The following SGCZ variants were observed in gnomAD, a reference collection of about 807,000 sequenced individuals.
SGCZ encodes the protein zeta-sarcoglycan.
Under a neutral mutation model 41.3 loss-of-function variants are expected in SGCZ, and 40 were observed. The observed-to-expected ratio is 0.97, with a 90% CI of 0.75 to 1.26. The LOEUF (loss-of-function observed/expected upper bound fraction) is 1.26, where lower values mean the gene tolerates loss of function less well. Among genes scored for constraint, SGCZ ranks in the 50% most tolerant of loss-of-function variants. The pLI is 0.00. For synonymous variants in SGCZ, 206 were observed against 137.5 expected (o/e 1.50, Z -3.49); for missense variants, 552 against 369.8 (o/e 1.49, Z -4.04).
At chr8:14,405,390 T>C (rs991656413) in intron 2 of SGCZ, among the ~76,000 whole-genome samples, 3 of 152,220 alleles carry the variant, frequency 2.0e-5, no homozygotes, top group African/African-American at 7.2e-5. Flanking sequence ...AGATTTAAAC[T>C]AAAATGCACT....
chr8:14,398,654 A>G (rs1294752333), intron 2 of SGCZ, among the ~76,000 whole-genome samples: 2 of 152,144 alleles, frequency 1.3e-5, no homozygotes, highest in African/African-American at 4.8e-5. Context: ...AAACTGAGGA[A>G]TCAGAAAAGG....
intron 4 of SGCZ, among the ~76,000 whole-genome samples, chr8:14,233,860 G>A (rs941999691): frequency 6.6e-6 from 1 of 151,716 alleles, no homozygotes; most frequent in Admixed American, 6.6e-5. Context: ...TCTGAGACTC[G>A]TTTAAGAAAG....
chr8:14,113,383 C>T (rs1474281567), intron 5 of SGCZ, among the ~76,000 whole-genome samples: 1 of 152,042 alleles, frequency 6.6e-6, no homozygotes, highest in Admixed American at 6.6e-5. Flanking sequence ...TCTATTCTTA[C>T]ATTTTATATT....
At chr8:15,143,051 G>A (rs1028543491) in intron 1 of SGCZ, among the ~76,000 whole-genome samples, 2 of 152,156 alleles carry the variant, frequency 1.3e-5, no homozygotes, top group African/African-American at 4.8e-5. Flanking sequence ...TCCTTTCCAA[G>A]GTACATTTGC....
intron 1 of SGCZ, among the ~76,000 whole-genome samples, chr8:14,685,274 G>C (rs1409991327): frequency 6.6e-6 from 1 of 151,894 alleles, no homozygotes; most frequent in Non-Finnish European, 1.5e-5. Context: ...ATTATTATGT[G>C]GTATTTTGGG....
chr8:14,133,090 G>A (rs1349534990), intron 5 of SGCZ, among the ~76,000 whole-genome samples: 1 of 152,110 alleles, frequency 6.6e-6, no homozygotes, highest in Non-Finnish European at 1.5e-5. Context: ...CTGTATTGGG[G>A]CACTCTTTCA....
chr8:15,132,136 CTA>C (rs1807929688), intron 1 of SGCZ, among the ~76,000 whole-genome samples: 1 of 152,112 alleles, frequency 6.6e-6, no homozygotes, highest in Non-Finnish European at 1.5e-5. Context: ...CATTGTCTTG[CTA>C]TTATTTTTTT....
intron 1 of SGCZ, among the ~76,000 whole-genome samples, chr8:15,018,403 G>A (rs1466962737): frequency 6.6e-6 from 1 of 152,204 alleles, no homozygotes; most frequent in African/African-American, 2.4e-5. Flanking sequence ...CAGTATTACA[G>A]TGAAATATGT....
At chr8:15,227,556 CT>C (rs2117199260) in intron 1 of SGCZ, among the ~76,000 whole-genome samples, 1 of 152,226 alleles carries the variant, frequency 6.6e-6, no homozygotes, top group South Asian at 2.1e-4. Flanking sequence ...AATGTTTATT[CT>C]GTTTATTTTT....
At chr8:14,677,080 A>G (rs1453397629) in intron 1 of SGCZ, among the ~76,000 whole-genome samples, 1 of 151,832 alleles carries the variant, frequency 6.6e-6, no homozygotes, top group Non-Finnish European at 1.5e-5. Context: ...GAACTGACCA[A>G]AAAAAAACCT....
intron 1 of SGCZ, among the ~76,000 whole-genome samples, chr8:14,838,853 T>C (rs1563305958): frequency 6.6e-6 from 1 of 152,118 alleles, no homozygotes; most frequent in African/African-American, 2.4e-5. Context: ...GCCAGAGCAT[T>C]ACATCAATTA....
At chr8:14,175,221 G>T (rs62492281) in intron 4 of SGCZ, among the ~76,000 whole-genome samples, 5,307 of 152,104 alleles carry the variant, frequency 0.035, 141 homozygotes, top group East Asian at 0.082. Flanking sequence ...AATGGCCAAA[G>T]ATATTTACAG....
At chr8:14,702,858 TAGATAGATAGATAGATAGATAGATAAAA>T (rs1563213124) in intron 1 of SGCZ, among the ~76,000 whole-genome samples, 2 of 147,204 alleles carry the variant, frequency 1.4e-5, no homozygotes, top group African/African-American at 5.2e-5. Flanking sequence ...GATAGATAGA[TAGATAGATAGATAGATAGATAGATAAAA>T]AGATAGATAG....
At chr8:15,050,011 C>T (rs894348929) in intron 1 of SGCZ, among the ~76,000 whole-genome samples, 6 of 152,090 alleles carry the variant, frequency 3.9e-5, no homozygotes, top group African/African-American at 1.4e-4. Context: ...TCTTTATTAG[C>T]AATGTGAGAA....
intron 4 of SGCZ, among the ~76,000 whole-genome samples, chr8:14,233,622 T>C (rs1806652087): frequency 6.7e-6 from 1 of 148,374 alleles, no homozygotes. Context: ...TCTATATATA[T>C]CTTTCCTGAG....
At chr8:14,621,399 C>G (rs938347712) in intron 1 of SGCZ, among the ~76,000 whole-genome samples, 3 of 151,344 alleles carry the variant, frequency 2.0e-5, no homozygotes, top group Non-Finnish European at 2.9e-5. Flanking sequence ...AACAAACCTG[C>G]ACGTTGTGCA....
At chr8:14,697,415 T>C (rs539196251) in intron 1 of SGCZ, among the ~76,000 whole-genome samples, 7 of 152,090 alleles carry the variant, frequency 4.6e-5, no homozygotes, top group Non-Finnish European at 8.8e-5. Flanking sequence ...ATACATCTAA[T>C]ATACTGCTTA....
chr8:14,372,601 G>C (rs992082342), intron 2 of SGCZ, among the ~76,000 whole-genome samples: 1 of 152,154 alleles, frequency 6.6e-6, no homozygotes, highest in African/African-American at 2.4e-5. Flanking sequence ...AAGCAGATTT[G>C]TAGGAGCAGC....
At chr8:14,742,599 T>G (rs1239198297) in intron 1 of SGCZ, among the ~76,000 whole-genome samples, 1 of 152,198 alleles carries the variant, frequency 6.6e-6, no homozygotes, top group South Asian at 2.1e-4. Context: ...TTAATAAAAT[T>G]GTACCTATTG....
Sources: allele counts gnomAD v4.1 joint callset (sites outside exome capture counted in the v4.1 genomes callset), GRCh38; gene constraint gnomAD v4.1.1; transcripts MANE v1.5; gene names NCBI Gene and HGNC (gene_info 2026-07-23, HGNC 2026-07-21).